Variants in SLC8A1 observed in about 807,000 individuals in gnomAD.
SLC8A1 encodes the protein sodium/calcium exchanger 1.
A neutral mutation model predicts 68.3 loss-of-function variants in SLC8A1; 18 were observed. The ratio of observed to expected loss-of-function variants is 0.26; its 90% CI spans 0.18 to 0.39. The LOEUF (loss-of-function observed/expected upper bound fraction) is 0.39, where lower values mean the gene tolerates loss of function less well. SLC8A1 is among the 10% of genes least tolerant of loss of function. The pLI is 1.00. For missense variants in SLC8A1, 985 were observed against 1,156.7 expected (o/e 0.85, Z 2.15); for synonymous variants, 475 against 415.5 (o/e 1.14, Z -1.74).
At chr2:40,302,746 GA>G (rs959746758) in intron 2 of SLC8A1, among the ~76,000 whole-genome samples, 1 of 151,966 alleles carries the variant, frequency 6.6e-6, no homozygotes, top group Non-Finnish European at 1.5e-5. Context: ...TTTCCTCTGG[GA>G]AAATACCCAG....
chr2:40,385,253 T>C lies in SLC8A1; in HGVS notation c.1808+43220A>G, dbSNP rs1168489387. On this transcript the variant is annotated intron_variant, in intron 2 of 7. Transcript: ENST00000406785. ...TCCTAGTCTCGAGGAGGAAACTCCTTTTTTCTAATCAAGTTTTATAAGGAA... is the reference window on the plus strand; with the variant it reads ...TCCTAGTCTCGAGGAGGAAACTCCTCTTTTCTAATCAAGTTTTATAAGGAA... Among the ~76,000 whole-genome samples the C allele has an allele frequency of 4.6e-5, 7 of 152,158 alleles. No individual in the cohort carries two copies. In the East Asian group the frequency reaches 7.8e-4, roughly 17 times the overall value.
intron 2 of SLC8A1, among the ~76,000 whole-genome samples, chr2:40,295,932 A>C (rs936002303): frequency 2.0e-5 from 3 of 152,152 alleles, no homozygotes; most frequent in Non-Finnish European, 4.4e-5. Flanking sequence ...AAGGGAAGAG[A>C]GACAGTGTAC....
rs566636343 is a variant in SLC8A1 at position 40,353,675 on chromosome 2, C to A, written c.1808+74798G>T. ...ACAAAAGAAATGTAATCCACAGATG[C>A]CCCCTTCTTTATGCTGCCTACCTGC... On this transcript the variant is annotated intron_variant, in intron 2 of 7. Coordinates refer to ENST00000406785, the Ensembl canonical transcript of SLC8A1. 5.3e-5 allele frequency among the ~76,000 whole-genome samples: 8 copies of A among 152,260 alleles called. 1 individual carries two copies. The South Asian group carries it at 1.2e-3, about 24-fold the overall frequency.
At chr2:40,229,618 A>ACAT (rs1229911815) in intron 2 of SLC8A1, among the ~76,000 whole-genome samples, 7 of 152,172 alleles carry the variant, frequency 4.6e-5, no homozygotes, top group Non-Finnish European at 8.8e-5. Context: ...TCACAACACC[A>ACAT]CATCAGTGTC....
intron 4 of SLC8A1, among the ~76,000 whole-genome samples, chr2:40,169,442 A>C (rs941249199): frequency 1.3e-5 from 2 of 152,092 alleles, no homozygotes; most frequent in African/African-American, 4.8e-5. Context: ...TACAGACCCA[A>C]ATATCATTAG....
At chr2:40,417,291 A>G (rs1694165833) in intron 2 of SLC8A1, among the ~76,000 whole-genome samples, 3 of 152,168 alleles carry the variant, frequency 2.0e-5, no homozygotes, top group African/African-American at 7.2e-5. Context: ...TACCAAATAG[A>G]TATTTTTTTT....
intron 7 of SLC8A1, among the ~76,000 whole-genome samples, chr2:40,133,017 A>G (rs892435514): frequency 1.3e-5 from 2 of 152,088 alleles, no homozygotes; most frequent in African/African-American, 2.4e-5. Flanking sequence ...TTTTATACCA[A>G]TTTTCAGTTG....
chr2:40,150,528 T>C (rs564894947), intron 6 of SLC8A1, among the ~76,000 whole-genome samples: 2 of 152,294 alleles, frequency 1.3e-5, no homozygotes, highest in Admixed American at 6.5e-5. Context: ...TGTATTCACA[T>C]TGCAGCAGCC....
chr2:40,253,845 A>C (rs1343695320), intron 2 of SLC8A1, among the ~76,000 whole-genome samples: 2 of 149,048 alleles, frequency 1.3e-5, no homozygotes, highest in Non-Finnish European at 3.0e-5. Flanking sequence ...AAAAAAAAAA[A>C]AAAAAAAAAA....
At chr2:40,311,635 G>T (rs969130725) in intron 2 of SLC8A1, among the ~76,000 whole-genome samples, 1 of 152,090 alleles carries the variant, frequency 6.6e-6, no homozygotes, top group Admixed American at 6.6e-5. Flanking sequence ...CATCCATAAA[G>T]TATTGACAAT....
At chr2:40,299,325 G>C (rs116705122) in intron 2 of SLC8A1, among the ~76,000 whole-genome samples, 1 of 152,156 alleles carries the variant, frequency 6.6e-6, no homozygotes, top group East Asian at 1.9e-4. Flanking sequence ...GCATTCTACA[G>C]AGTGGAGAAA....
intron 4 of SLC8A1, among the ~76,000 whole-genome samples, 155 bp downstream of exon 6, chr2:40,174,551 A>G (rs1214708096): frequency 1.3e-5 from 2 of 152,172 alleles, no homozygotes; most frequent in Non-Finnish European, 2.9e-5. Flanking sequence ...ACACACACAC[A>G]TTATTAATTT....
At chr2:40,296,455 T>G (rs2149251087) in intron 2 of SLC8A1, among the ~76,000 whole-genome samples, 1 of 152,284 alleles carries the variant, frequency 6.6e-6, no homozygotes, top group South Asian at 2.1e-4. Flanking sequence ...AAAAACACTT[T>G]TAAGAAATAA....
At chr2:40,386,026 T>C (rs1432057031) in intron 2 of SLC8A1, among the ~76,000 whole-genome samples, 1 of 151,342 alleles carries the variant, frequency 6.6e-6, no homozygotes, top group Non-Finnish European at 1.5e-5. Flanking sequence ...GAGTTTTCTT[T>C]ATTGAACTGG....
intron 2 of SLC8A1, among the ~76,000 whole-genome samples, chr2:40,399,783 A>G (rs1020067415): frequency 3.9e-5 from 6 of 152,184 alleles, no homozygotes; most frequent in Non-Finnish European, 8.8e-5. Context: ...CCATCTTTCT[A>G]AATTCCTTAG....
Position 40,270,705 on chromosome 2 carries a change from C to CCAAGTCAGGTGACAGATA in SLC8A1, c.1809-92868_1809-92851dup, listed in dbSNP as rs2065918935. Among the ~76,000 whole-genome samples the CCAAGTCAGGTGACAGATA allele has an allele frequency of 9.8e-5, 15 of 152,324 alleles. No individual in the cohort carries two copies. In the South Asian group the frequency reaches 3.1e-3, roughly 32 times the overall value. ...AATCACACCTTAAAAGTCCCCTTCG[C>CCAAGTCAGGTGACAGATA]CAAGTCAGGTGACAGATACACAGGT... is the stretch of plus-strand genomic sequence containing the variant. On this transcript the variant is annotated intron_variant, in intron 2 of 7. Coordinates refer to ENST00000406785, the Ensembl canonical transcript of SLC8A1.
At chr2:40,231,288 G>T (rs183894028) in intron 2 of SLC8A1, among the ~76,000 whole-genome samples, 1 of 152,090 alleles carries the variant, frequency 6.6e-6, no homozygotes, top group Non-Finnish European at 1.5e-5. Flanking sequence ...TATTAGACAC[G>T]GGAAATGTGC....
At chr2:40,307,172 A>C (rs201948834) in intron 2 of SLC8A1, among the ~76,000 whole-genome samples, 38 of 94,602 alleles carry the variant, frequency 4.0e-4, no homozygotes, top group African/African-American at 1.7e-3. Flanking sequence ...CACACACACA[A>C]ACACATACAC....
At chr2:40,308,815 T>C (rs536554633) in intron 2 of SLC8A1, among the ~76,000 whole-genome samples, 1 of 152,248 alleles carries the variant, frequency 6.6e-6, no homozygotes, top group African/African-American at 2.4e-5. Context: ...CAAAACTTTG[T>C]CATCCCATCT....
Sources: allele counts gnomAD v4.1 joint callset (sites outside exome capture counted in the v4.1 genomes callset), GRCh38; gene constraint gnomAD v4.1.1; transcripts MANE v1.5; gene names NCBI Gene and HGNC (gene_info 2026-07-23, HGNC 2026-07-21).